PDZD8: variants seen among roughly 807,000 people sequenced by gnomAD.
The protein encoded by PDZD8 is PDZ domain-containing protein 8.
PDZD8 carries 14 observed loss-of-function variants against 85.8 expected under a neutral mutation model. The ratio of observed to expected loss-of-function variants is 0.16; its 90% CI spans 0.11 to 0.26. PDZD8 has a LOEUF of 0.26. Ranked by LOEUF, PDZD8 falls within the 10% of genes least tolerant of loss-of-function variation. The probability of loss-of-function intolerance (pLI) is 1.00; values close to 1 mark genes in which losing one functional copy is unlikely to be tolerated. For missense variants in PDZD8, 1,197 were observed against 1,424.3 expected (o/e 0.84, Z 2.57); for synonymous variants, 592 against 568.6 (o/e 1.04, Z -0.59).
Position 117,374,039 on chromosome 10 carries a change from GA to G in PDZD8, c.872+316del, listed in dbSNP as rs1196883254. Among the ~76,000 whole-genome samples the G allele has an allele frequency of 1.3e-5, 2 of 152,132 alleles. No individual in the cohort carries two copies. Among genetic ancestry groups the G allele is most frequent in the Non-Finnish European group, 2.9e-5 (2 of 68,024 alleles). On this transcript the variant is annotated intron_variant, in intron 1 of 4. Transcript: ENST00000334464. This position sits in a 1 kb window ranked among gnomAD's most constrained non-coding sequence, Gnocchi z 7.8. ...GAGGGAGAGTTTCTCAACAGTCCCA[GA>G]AGCGACTCCTGGGGATTAGGGTAGG...
chr10:117,373,785 C>T (rs1047079165), intron 1 of PDZD8, among the ~76,000 whole-genome samples: 56 of 91,062 alleles, frequency 6.1e-4, no homozygotes, highest in Non-Finnish European at 1.0e-3. Flanking sequence ...GTCTCAAAAA[C>T]AAAAACAAAA....
At chr10:117,313,021 A>G (rs935721308) in intron 3 of PDZD8, among the ~76,000 whole-genome samples, 7 of 152,206 alleles carry the variant, frequency 4.6e-5, no homozygotes, top group African/African-American at 1.4e-4. Context: ...TAAGAATCCT[A>G]GATCTCATAT....
intron 3 of PDZD8, among the ~76,000 whole-genome samples, chr10:117,298,053 T>TA (rs1843785130): frequency 6.6e-6 from 1 of 152,156 alleles, no homozygotes; most frequent in South Asian, 2.1e-4. Flanking sequence ...AAGCAATATT[T>TA]ATATGGTTTT....
chr10:117,366,564 C>A (rs1255506891), intron 1 of PDZD8, among the ~76,000 whole-genome samples: 1 of 150,474 alleles, frequency 6.6e-6, no homozygotes, highest in Non-Finnish European at 1.5e-5. Flanking sequence ...ACCACCACCA[C>A]TACCACCACC....
Position 117,325,351 on chromosome 10 carries a change from A to G in PDZD8, c.996-6377T>C, listed in dbSNP as rs1392396868. Among the ~76,000 whole-genome samples the G allele has an allele frequency of 2.6e-5, 4 of 151,550 alleles. No individual in the cohort carries two copies. In the East Asian group the frequency reaches 7.8e-4, roughly 29 times the overall value. On this transcript the variant is annotated intron_variant, in intron 2 of 4. Transcript: ENST00000334464. ...GCTTCACAGCCTTGAGAGTCTTTTA[A>G]AAGTCTAAAAGACTTATTTGAGATT...
At chr10:117,352,362 A>G (rs1388909992) in intron 1 of PDZD8, among the ~76,000 whole-genome samples, 1 of 152,236 alleles carries the variant, frequency 6.6e-6, no homozygotes, top group Non-Finnish European at 1.5e-5. Flanking sequence ...CTTTGTGACA[A>G]TTAGAGCTAG....
At chr10:117,312,583 T>C (rs904651894) in intron 3 of PDZD8, among the ~76,000 whole-genome samples, 2 of 152,178 alleles carry the variant, frequency 1.3e-5, no homozygotes, top group African/African-American at 4.8e-5. Flanking sequence ...TCGAAGACCT[T>C]TTAAGTATTC....
chr10:117,290,614 T>C (rs570397303), intron 3 of PDZD8, among the ~76,000 whole-genome samples: 1 of 152,196 alleles, frequency 6.6e-6, no homozygotes, highest in South Asian at 2.1e-4. Flanking sequence ...TTGTAGAAAA[T>C]TGGGAAATAA....
intron 4 of PDZD8, among the ~76,000 whole-genome samples, chr10:117,287,076 CCAT>C (rs2133760811): frequency 6.6e-6 from 1 of 152,278 alleles, no homozygotes; most frequent in South Asian, 2.1e-4. Context: ...TTTCTCCCTA[CCAT>C]CATTTTTAGT....
rs1280684196 is a variant in PDZD8, at chr10:117,354,729, T to A, written c.873-13627A>T. Reference sequence around the variant, plus strand: ...GCAATTGAAAGTCCTATATGGTTTATGCTTTCAGTCGGAAAGTTTTGGCTC... The same window carrying A: ...GCAATTGAAAGTCCTATATGGTTTAAGCTTTCAGTCGGAAAGTTTTGGCTC... On this transcript the variant is annotated intron_variant, in intron 1 of 4. Coordinates refer to ENST00000334464, the MANE Select transcript of PDZD8 (RefSeq NM_173791.5). Among the ~76,000 whole-genome samples, 6 of 152,224 alleles carry A rather than the reference T, an allele frequency of 3.9e-5. No homozygotes were observed. In the East Asian group the frequency reaches 7.7e-4, roughly 20 times the overall value.
At chr10:117,361,132 A>G (rs1023597876) in intron 1 of PDZD8, among the ~76,000 whole-genome samples, 2 of 152,156 alleles carry the variant, frequency 1.3e-5, no homozygotes, top group African/African-American at 4.8e-5. Flanking sequence ...ACATTTTTGT[A>G]TTATTATGAA....
intron 2 of PDZD8, among the ~76,000 whole-genome samples, chr10:117,323,242 G>T (rs904888988): frequency 6.6e-6 from 1 of 152,112 alleles, no homozygotes; most frequent in Non-Finnish European, 1.5e-5. Flanking sequence ...AAGCCTTAAA[G>T]AAACAACAGG....
chr10:117,283,412 C>T lies in PDZD8; in HGVS notation c.3321G>A (p.Leu1107=), dbSNP rs1047038880. 6 of 1,614,062 alleles carry T rather than the reference C, an allele frequency of 3.7e-6. No individual in the cohort carries two copies. The highest frequency in any genetic ancestry group is 2.7e-5 in the African/African-American group (2 of 75,056). ...TTTTTTTGGAGTGCTGGTCTAAAGA[C>T]AGACTTTCTAAAGTTTCTATATCTT... ...GIEDIETLES[L]SLDQHSKKIS... is the part of the protein sequence containing the mutation. Residue 1107 remains leucine (L), a synonymous_variant, in exon 5 of 5, where the codon CTG becomes CTA. Coordinates refer to ENST00000334464, the MANE Select transcript of PDZD8 (RefSeq NM_173791.5).
At chr10:117,316,207 T>G (rs139672929) in intron 3 of PDZD8, among the ~76,000 whole-genome samples, 1 of 152,338 alleles carries the variant, frequency 6.6e-6, no homozygotes, top group East Asian at 1.9e-4. Context: ...TCCTATGAGC[T>G]CTTTTATTGT....
rs910837702 is a variant in PDZD8 at position 117,279,865 on chromosome 10, A to G, written c.*3403T>C. ...TTAATCAGATCCTAAAAGCGGATCT[A>G]TGGCCCAAAAGGAATTAGGGGAACC... On this transcript the variant is annotated 3_prime_UTR_variant, in exon 5 of 5. Transcript: ENST00000334464. 6.6e-6 allele frequency: 1 copy of G among 152,362 alleles called. No homozygotes were observed. Among genetic ancestry groups the G allele is most frequent in the Admixed American group, 6.5e-5 (1 of 15,306 alleles). 9.4% of individuals were successfully genotyped at this position (152,362 alleles called of 1,614,324 possible).
At chr10:117,339,128 C>CAAAAAAAAAAAAA (rs71013660) in intron 2 of PDZD8, among the ~76,000 whole-genome samples, 1 of 129,408 alleles carries the variant, frequency 7.7e-6, no homozygotes, top group African/African-American at 3.0e-5. Flanking sequence ...TGGACTTAAC[C>CAAAAAAAAAAAAA]AAAAAAAAAA....
chr10:117,301,075 G>C (rs1448372874), intron 3 of PDZD8, among the ~76,000 whole-genome samples: 1 of 152,028 alleles, frequency 6.6e-6, no homozygotes, highest in Non-Finnish European at 1.5e-5. Context: ...TGCAACCTCT[G>C]CCTCCCAGGT....
At chr10:117,355,420 C>T (rs1269486710) in intron 1 of PDZD8, among the ~76,000 whole-genome samples, 4 of 152,142 alleles carry the variant, frequency 2.6e-5, no homozygotes, top group African/African-American at 7.2e-5. Context: ...TCTAGCTTTC[C>T]TGCAAGATCC....
chr10:117,314,758 T>C (rs2133803125), intron 3 of PDZD8, among the ~76,000 whole-genome samples: 1 of 152,330 alleles, frequency 6.6e-6, no homozygotes, highest in African/African-American at 2.4e-5. Flanking sequence ...TTCCTCTCCA[T>C]TTCAAAAGAG....
Sources: allele counts gnomAD v4.1 joint callset (sites outside exome capture counted in the v4.1 genomes callset), GRCh38; gene constraint gnomAD v4.1.1; non-coding constraint Gnocchi (gnomAD v3.1); transcripts MANE v1.5; gene names NCBI Gene and HGNC (gene_info 2026-07-23, HGNC 2026-07-21).